The following GALNTL6 variants were observed in gnomAD, a reference collection of about 807,000 sequenced individuals.
The protein encoded by GALNTL6 is polypeptide N-acetylgalactosaminyltransferase-like 6.
Under a neutral mutation model 73.7 loss-of-function variants are expected in GALNTL6, and 46 were observed. The observed-to-expected ratio is 0.62, with a 90% CI of 0.49 to 0.80. GALNTL6 has a LOEUF of 0.80. Ranked by LOEUF, GALNTL6 falls within the 30% of genes least tolerant of loss-of-function variation. The probability of loss-of-function intolerance (pLI) is 0.00; values close to 1 mark genes in which losing one functional copy is unlikely to be tolerated. For missense variants in GALNTL6, 604 were observed against 755.0 expected (o/e 0.80, Z 2.34); for synonymous variants, 259 against 263.7 (o/e 0.98, Z 0.17).
At position 172,087,452 on chromosome 4, in the gene GALNTL6, AAAAAAAC is replaced by A. The variant is rs1456244707; in HGVS notation, c.139-142197_139-142191del. On this transcript the variant is annotated intron_variant, in intron 2 of 12. Coordinates refer to ENST00000506823, the MANE Select transcript of GALNTL6 (RefSeq NM_001034845.3). ...AGAGTTAGACTCCATCCCAAAAAAA[AAAAAAAC>A]AAAAAAAACAAAAAAAACAAAATAG... 3.3e-3 allele frequency among the ~76,000 whole-genome samples: 481 copies of A among 144,192 alleles called. 1 individual carries two copies. Among genetic ancestry groups the A allele is most frequent in the African/African-American group, 0.012 (452 of 36,720 alleles). The allele number at this position is 144,192 out of a possible 152,430, so 94.6% of individuals were successfully genotyped here. A position where few individuals can be genotyped will look rare whatever the true frequency, so the allele number is the denominator to read the frequency against.
intron 10 of GALNTL6, among the ~76,000 whole-genome samples, chr4:172,990,490 C>G (rs1751490998): frequency 6.6e-6 from 1 of 151,994 alleles, no homozygotes; most frequent in African/African-American, 2.4e-5. Context: ...TCAGTTCATG[C>G]AATTAACCTT....
At chr4:171,883,480 A>G (rs2110914953) in intron 2 of GALNTL6, among the ~76,000 whole-genome samples, 1 of 152,172 alleles carries the variant, frequency 6.6e-6, no homozygotes, top group East Asian at 1.9e-4. Context: ...TATTTGTGCG[A>G]TTTGCCTGCT....
chr4:172,485,489 G>A (rs1032203568), intron 5 of GALNTL6, among the ~76,000 whole-genome samples: 1 of 151,932 alleles, frequency 6.6e-6, no homozygotes, highest in Non-Finnish European at 1.5e-5. Context: ...TATATGTTCT[G>A]GGTCGCAATG....
intron 5 of GALNTL6, among the ~76,000 whole-genome samples, chr4:172,512,573 G>A (rs1158816795): frequency 2.0e-5 from 3 of 152,042 alleles, no homozygotes; most frequent in African/African-American, 7.2e-5. Context: ...CTATTTTGGT[G>A]TATTTTGAGG....
chr4:172,982,436 A>G (rs192169267), intron 10 of GALNTL6, among the ~76,000 whole-genome samples: 2 of 152,308 alleles, frequency 1.3e-5, no homozygotes, highest in East Asian at 3.9e-4. Context: ...AGTCAGCTTC[A>G]CATTTCCTCT....
At chr4:171,855,891 G>A (rs1350984244) in intron 2 of GALNTL6, among the ~76,000 whole-genome samples, 1 of 152,102 alleles carries the variant, frequency 6.6e-6, no homozygotes, top group Admixed American at 6.5e-5. Context: ...CATAAATTTT[G>A]CATCGGCAAA....
At chr4:172,349,828 A>T (rs375112174) in intron 5 of GALNTL6, among the ~76,000 whole-genome samples, 34 of 41,564 alleles carry the variant, frequency 8.2e-4, no homozygotes, top group African/African-American at 2.4e-3. Context: ...AAATTAAAAA[A>T]AAATATATAT....
chr4:172,880,470 T>G (rs1332404095), intron 7 of GALNTL6, among the ~76,000 whole-genome samples: 1 of 152,058 alleles, frequency 6.6e-6, no homozygotes, highest in African/African-American at 2.4e-5. Context: ...TAATCTACAG[T>G]GACAGAAAGC....
chr4:172,592,599 C>T (rs1309813541), intron 5 of GALNTL6, among the ~76,000 whole-genome samples: 2 of 152,112 alleles, frequency 1.3e-5, no homozygotes, highest in Non-Finnish European at 2.9e-5. Flanking sequence ...ATTTTTAGCA[C>T]TAAAGTTTGA....
intron 5 of GALNTL6, among the ~76,000 whole-genome samples, chr4:172,767,711 G>T (rs1192998812): frequency 1.5e-5 from 2 of 132,152 alleles, no homozygotes; most frequent in African/African-American, 5.5e-5. Context: ...TGTTGCCCAG[G>T]CTGGAGTGCA....
intron 5 of GALNTL6, among the ~76,000 whole-genome samples, chr4:172,799,628 C>T (rs918762530): frequency 2.0e-5 from 3 of 152,176 alleles, no homozygotes; most frequent in Admixed American, 6.6e-5. Context: ...GTCAAAAGGA[C>T]GTTAAAACTG....
intron 2 of GALNTL6, among the ~76,000 whole-genome samples, chr4:171,916,644 A>T (rs191216459): frequency 1.4e-4 from 21 of 152,256 alleles, no homozygotes; most frequent in Admixed American, 1.3e-3. Flanking sequence ...GAAGTGAGTT[A>T]ATCTATTCAG....
chr4:172,213,900 G>A lies in GALNTL6; in HGVS notation c.139-15756G>A, dbSNP rs13122326. ...CACCTAGATAGTACCCTAAGATTTC[G>A]TGTAGGGGTTTTATAATTTTTATAT... On this transcript the variant is annotated intron_variant, in intron 2 of 12. Coordinates refer to ENST00000506823, the MANE Select transcript of GALNTL6 (RefSeq NM_001034845.3). Among the ~76,000 whole-genome samples the A allele has an allele frequency of 1.1e-3, 164 of 152,168 alleles. 8 individuals are homozygous for A. In the South Asian group the frequency reaches 0.033, roughly 31 times the overall value.
At chr4:172,875,209 TCTC>T (rs1745132928) in intron 7 of GALNTL6, among the ~76,000 whole-genome samples, 1 of 152,240 alleles carries the variant, frequency 6.6e-6, no homozygotes, top group Non-Finnish European at 1.5e-5. Context: ...TGACCTCACT[TCTC>T]CTCTCAGGCA....
chr4:172,597,904 C>T (rs987044900), intron 5 of GALNTL6, among the ~76,000 whole-genome samples: 2 of 151,568 alleles, frequency 1.3e-5, no homozygotes, highest in African/African-American at 4.9e-5. Flanking sequence ...AGTTTGAATG[C>T]TTCTGCCTTT....
intron 5 of GALNTL6, among the ~76,000 whole-genome samples, chr4:172,405,050 T>C (rs542894959): frequency 3.5e-4 from 53 of 152,024 alleles, no homozygotes; most frequent in African/African-American, 1.2e-3. Context: ...ACTAAGAAAA[T>C]GGTGTTTGAT....
chr4:172,542,428 T>C (rs1735592035), intron 5 of GALNTL6, among the ~76,000 whole-genome samples: 1 of 152,076 alleles, frequency 6.6e-6, no homozygotes, highest in Non-Finnish European at 1.5e-5. Flanking sequence ...TGTTAGAAAA[T>C]GATTTGGGGC....
intron 5 of GALNTL6, among the ~76,000 whole-genome samples, chr4:172,451,103 A>G (rs749391008): frequency 1.3e-5 from 2 of 152,156 alleles, no homozygotes; most frequent in South Asian, 2.1e-4. Context: ...ACAGGTCTCT[A>G]TTCTCTATTG....
chr4:172,423,881 G>A (rs1731136909), intron 5 of GALNTL6, among the ~76,000 whole-genome samples: 1 of 151,972 alleles, frequency 6.6e-6, no homozygotes. Flanking sequence ...ATTATAAAAA[G>A]CAAAGCAAAA....
Sources: allele counts gnomAD v4.1 joint callset (sites outside exome capture counted in the v4.1 genomes callset), GRCh38; gene constraint gnomAD v4.1.1; transcripts MANE v1.5; gene names NCBI Gene and HGNC (gene_info 2026-07-23, HGNC 2026-07-21).